PRG4: variants seen among roughly 807,000 people sequenced by gnomAD.
The protein encoded by PRG4 is proteoglycan 4, also known as articular superficial zone protein.
In PRG4, 61 loss-of-function variants were observed where a neutral mutation model predicts 91.2. That is an observed-to-expected ratio of 0.67 (90% CI 0.54 to 0.83). PRG4 has a LOEUF of 0.83. Ranked by LOEUF, PRG4 falls within the 40% of genes least tolerant of loss-of-function variation. The pLI is 0.00. For missense variants in PRG4, 1,564 were observed against 1,714.2 expected (o/e 0.91, Z 1.55); for synonymous variants, 576 against 614.2 (o/e 0.94, Z 0.92).
Position 186,304,656 on chromosome 1 carries a change from G to T in PRG4, c.470-138G>T, listed in dbSNP as rs1220676260. On this transcript the variant is annotated intron_variant, in intron 5 of 12. Transcript: ENST00000445192. ...CTTTTAACTGACAGATTAAAAGGCA[G>T]TTGGTCATATTACTAATAAAAGCAA... 3.8e-6 allele frequency: 4 copies of T among 1,063,890 alleles called. No homozygotes were observed. The African/African-American group carries it at 6.4e-5, about 17-fold the overall frequency. 65.9% of individuals were successfully genotyped at this position (1,063,890 alleles called of 1,614,324 possible).
At chr1:186,298,714 T>G (rs1656011038) in intron 2 of PRG4, among the ~76,000 whole-genome samples, 1 of 152,030 alleles carries the variant, frequency 6.6e-6, no homozygotes, top group Admixed American at 6.6e-5. Context: ...TGGTCTCACC[T>G]GACCTCAGGT....
chr1:186,296,944 A>G lies in PRG4; in HGVS notation c.69A>G (p.Ser23=). The G allele has an allele frequency of 6.2e-7, 1 of 1,612,886 alleles. No homozygotes were observed. Among genetic ancestry groups the G allele is most frequent in the Non-Finnish European group, 8.5e-7 (1 of 1,178,906 alleles). The change falls in exon 2 of 13, where the codon TCA becomes TCG. Residue 23 remains serine, a synonymous_variant. Transcript: ENST00000445192. ...LLSVFVIQQV[S]SQDLSSCAGR... Reference sequence around the variant, plus strand: ...CTGTTTTCGTGATTCAGCAAGTTTCATCTCAAGGTAGCTTAACCATCGAAC... The same window carrying G: ...CTGTTTTCGTGATTCAGCAAGTTTCGTCTCAAGGTAGCTTAACCATCGAAC...
Position 186,311,103 on chromosome 1 carries a change from G to A in PRG4, c.3569G>A (p.Gly1190Asp), listed in dbSNP as rs150072104. 1,541 of 1,613,738 alleles carry A rather than the reference G, an allele frequency of 9.5e-4. 2 individuals are homozygous for A. The highest frequency in any genetic ancestry group is 9.7e-4 in the Non-Finnish European group (1,141 of 1,179,686). Residue 1190 changes from glycine (G) to aspartate (D), a missense_variant, in exon 9 of 13, where the codon GGT becomes GAT. Coordinates refer to ENST00000445192, the MANE Select transcript of PRG4 (RefSeq NM_005807.6). ...GCTCGCAGAATTACTGAAGTTTGGG[G>A]TATTCCTTCCCCCATTGATACTGTT... is the stretch of plus-strand genomic sequence containing the variant. ...SPARRITEVW[G>D]IPSPIDTVFT...
rs143123071 is a variant in PRG4, at chr1:186,306,384, C to G, written c.665C>G (p.Ala222Gly). Residue 222 changes from alanine (A) to glycine (G), a missense_variant, in exon 7 of 13, where the codon GCT (alanine) becomes GGT (glycine). Coordinates refer to ENST00000445192, the MANE Select transcript of PRG4 (RefSeq NM_005807.6). ...CCCAAACCACCAGTTGTAGATGAAG[C>G]TGGAAGTGGATTGGACAATGGTGAC... ...PTPKPPVVDE[A>G]GSGLDNGDFK... 1.2e-5 allele frequency: 20 copies of G among 1,612,974 alleles called. No homozygotes were observed. In the African/African-American group the frequency reaches 2.1e-4, roughly 17 times the overall value.
At chr1:186,306,279 A>T (rs1470966726) in intron 6 of PRG4, 39 bp from the exon 7 acceptor site, 1 of 1,484,854 alleles carries the variant, frequency 6.7e-7, no homozygotes, top group Non-Finnish European at 9.1e-7. Context: ...AAAGAAAAAA[A>T]AATATTCTAA....
chr1:186,298,466 G>A (rs1383225524), intron 2 of PRG4, among the ~76,000 whole-genome samples: 1 of 151,736 alleles, frequency 6.6e-6, no homozygotes, highest in African/African-American at 2.4e-5. Flanking sequence ...ATGAAAGTAA[G>A]CTTTTCCTGT....
Position 186,313,953 on chromosome 1 carries a change from T to C in PRG4, c.*175T>C. The C allele has an allele frequency of 1.9e-6, 3 of 1,609,954 alleles. No individual in the cohort carries two copies. The highest frequency in any genetic ancestry group is 2.5e-6 in the Non-Finnish European group (3 of 1,177,318). ...GATTTGATAATCTTATTCACAGTTG[T>C]TATTGTTTACAGACCATTTAATTAA... is the stretch of plus-strand genomic sequence containing the variant. On this transcript the variant is annotated 3_prime_UTR_variant, in exon 13 of 13. Coordinates refer to ENST00000445192, the MANE Select transcript of PRG4 (RefSeq NM_005807.6).
In PRG4 at chr1:186,301,620, G is replaced by A; in HGVS notation, c.228G>A (p.Glu76=). ...AELSCKGRCF[E]SFERGRECDC... The stretch of plus-strand genomic sequence containing the variant: ...TTTCCTGTAAAGGCCGCTGCTTTGA[G>A]TCCTTCGAGAGAGGGAGGGAGTGTG... Residue 76 remains glutamate (E), a synonymous_variant, in exon 4 of 13, where the codon GAG becomes GAA. Transcript: ENST00000445192. 1.2e-6 allele frequency: 2 copies of A among 1,614,062 alleles called. No homozygotes were observed. Among genetic ancestry groups the A allele is most frequent in the East Asian group, 2.2e-5 (1 of 44,876 alleles).
At position 186,313,980 on chromosome 1, in the gene PRG4, A is replaced by G. The variant is rs373609938; in HGVS notation, c.*202A>G. On this transcript the variant is annotated 3_prime_UTR_variant, in exon 13 of 13. Coordinates refer to ENST00000445192, the MANE Select transcript of PRG4 (RefSeq NM_005807.6). ...ATTGTTTACAGACCATTTAATTAATATTTCCTCTGTTTATTCCTCCTCTCC... is the reference window on the plus strand; with the variant it reads ...ATTGTTTACAGACCATTTAATTAATGTTTCCTCTGTTTATTCCTCCTCTCC... The G allele has an allele frequency of 1.9e-6, 3 of 1,611,986 alleles. No individual in the cohort carries two copies. Among genetic ancestry groups the G allele is most frequent in the African/African-American group, 1.3e-5 (1 of 75,024 alleles).
At chr1:186,312,647 T>C in intron 11 of PRG4, 122 bp from the exon 12 acceptor site, 2 of 1,082,304 alleles carry the variant, frequency 1.8e-6, no homozygotes, top group Non-Finnish European at 2.8e-6. Flanking sequence ...TACCAGTCTA[T>C]AACCCTCAAT....
chr1:186,300,225 G>C lies in PRG4; in HGVS notation c.199+12G>C. The stretch of plus-strand genomic sequence containing the variant: ...AGTCTGCACTGCGGGTAAGTCCTGA[G>C]AGCGGGTGTCTCCTCTGTCAAGCAA... On this transcript the variant is annotated intron_variant, in intron 3 of 12. Transcript: ENST00000445192. 2 of 1,613,774 alleles carry C rather than the reference G, an allele frequency of 1.2e-6. No individual in the cohort carries two copies. Among genetic ancestry groups the C allele is most frequent in the Non-Finnish European group, 1.7e-6 (2 of 1,180,018 alleles).
chr1:186,307,151 A>AAGAAGC lies in PRG4; in HGVS notation c.1432_1433insAGAAGC (p.Thr478delinsLysLysPro). On this transcript the variant is annotated protein_altering_variant, in exon 7 of 13. Coordinates refer to ENST00000445192, the MANE Select transcript of PRG4 (RefSeq NM_005807.6). ...CACCACCAAGGAGCCTGCACCCACC[A>AAGAAGC]CTCCCAAAGAGCCTGCACCCACTGC... 17 of 1,145,860 alleles carry AAGAAGC rather than the reference A, an allele frequency of 1.5e-5. No homozygotes were observed. The East Asian group carries it at 2.4e-4, about 16-fold the overall frequency. 71.0% of individuals were successfully genotyped at this position (1,145,860 alleles called of 1,614,324 possible).
chr1:186,297,749 A>T (rs76638845), intron 2 of PRG4, among the ~76,000 whole-genome samples: 2,234 of 152,294 alleles, frequency 0.015, 47 homozygotes, highest in African/African-American at 0.051. Context: ...ATCAAGATTC[A>T]TGACAGTTAT....
chr1:186,307,151 A>T lies in PRG4; in HGVS notation c.1432A>T (p.Thr478Ser). 1 of 1,145,870 alleles carries T rather than the reference A, an allele frequency of 8.7e-7. No homozygotes were observed. The highest frequency in any genetic ancestry group is 1.2e-6 in the Non-Finnish European group (1 of 825,684). 71.0% of individuals were successfully genotyped at this position (1,145,870 alleles called of 1,614,324 possible). A position where few individuals can be genotyped will look rare whatever the true frequency, so the allele number is the denominator to read the frequency against. Reference sequence around the variant, plus strand: ...CACCACCAAGGAGCCTGCACCCACCACTCCCAAAGAGCCTGCACCCACTGC... The same window carrying T: ...CACCACCAAGGAGCCTGCACCCACCTCTCCCAAAGAGCCTGCACCCACTGC... ...APTTKEPAPT[T>S]PKEPAPTAPK... is the part of the protein sequence containing the mutation. Residue 478 changes from threonine to serine, a missense_variant, in exon 7 of 13, where the codon ACT (threonine) becomes TCT (serine). Coordinates refer to ENST00000445192, the MANE Select transcript of PRG4 (RefSeq NM_005807.6).
chr1:186,311,385 T>C (rs1055692814), intron 9 of PRG4, 55 bp from the exon 10 acceptor site: 89 of 1,563,954 alleles, frequency 5.7e-5, no homozygotes, highest in Middle Eastern at 1.7e-4. Context: ...TAGAAAGGAG[T>C]TCCAAATCTT....
intron 2 of PRG4, among the ~76,000 whole-genome samples, chr1:186,297,275 A>G (rs1655921190): frequency 6.6e-6 from 1 of 152,196 alleles, no homozygotes; most frequent in Non-Finnish European, 1.5e-5. Context: ...AAATAACTAA[A>G]AAAGAACAAT....
intron 3 of PRG4, among the ~76,000 whole-genome samples, chr1:186,300,571 A>T (rs1656143749): frequency 6.6e-6 from 1 of 152,238 alleles, no homozygotes; most frequent in Non-Finnish European, 1.5e-5. Context: ...GTAATTATTT[A>T]CAATCAGAGA....
rs1351021375 is a variant in PRG4, at chr1:186,306,509, C to T, written c.790C>T (p.Leu264Phe). The T allele has an allele frequency of 1.9e-6, 3 of 1,613,304 alleles. No homozygotes were observed. The highest frequency in any genetic ancestry group is 1.7e-4 in the Middle Eastern group (1 of 6,056). Residue 264 changes from leucine (L) to phenylalanine (F), a missense_variant, in exon 7 of 13, where the codon CTT (leucine) becomes TTT (phenylalanine). Around this residue, in one of 3 missense-constraint regions of PRG4, gnomAD observed 437 missense variants for 459.0 expected, o/e 0.95. Coordinates refer to ENST00000445192, the MANE Select transcript of PRG4 (RefSeq NM_005807.6). The part of the protein sequence containing the change: ...TAKPINPRPS[L>F]PPNSDTSKET... ...AAAACCAATAAATCCCAGACCCAGT[C>T]TTCCACCTAATTCTGATACATCTAA...
At chr1:186,305,266 C>A (rs1206062815) in intron 6 of PRG4, among the ~76,000 whole-genome samples, 1 of 152,192 alleles carries the variant, frequency 6.6e-6, no homozygotes, top group Non-Finnish European at 1.5e-5. Context: ...TTCATTTTCC[C>A]TTCCCCAGCT....
Sources: gnomAD v4.1 joint callset for allele counts (sites outside exome capture counted in the v4.1 genomes callset) on GRCh38, gnomAD v4.1.1 for gene constraint, gnomAD v4.1.1 regional missense constraint, MANE v1.5 for transcripts, NCBI Gene and HGNC (gene_info 2026-07-23, HGNC 2026-07-21) for gene names.